Variants in APOD observed in about 807,000 individuals in gnomAD.
The protein encoded by APOD is apo-D.
A neutral mutation model predicts 20.4 loss-of-function variants in APOD; 22 were observed. That is an observed-to-expected ratio of 1.08 (90% confidence interval 0.77 to 1.54). APOD has a LOEUF of 1.54. Ranked by LOEUF, APOD falls within the 40% of genes most tolerant of loss-of-function variation. The pLI, the probability that APOD is intolerant of heterozygous loss-of-function variation, is 0.00. For synonymous variants in APOD, 97 were observed against 92.4 expected, an observed-to-expected ratio of 1.05 and a Z score of -0.29; for missense variants, 223 against 229.6, an observed-to-expected ratio of 0.97 and a Z score of 0.19.
chr3:195,576,732 C>T (rs890933638), intron 2 of APOD, among the ~76,000 whole-genome samples: 2 of 151,876 alleles, frequency 1.3e-5, no homozygotes, highest in African/African-American at 4.8e-5. Context: ...ATCTCTTGAA[C>T]CTGGGAGGCA....
Position 195,577,248 on chromosome 3 carries a change from T to A in APOD, c.123+2091A>T, listed in dbSNP as rs1406696528. ...TCCATTTACAATAACATCAAAAGAA[T>A]AAAATATTTGGGAATAAATTTAACC... On this transcript the variant is annotated intron_variant, in intron 2 of 4. Coordinates refer to ENST00000343267, the MANE Select transcript of APOD (RefSeq NM_001647.4). The A allele has an allele frequency of 1.7e-5, 5 of 291,740 alleles. No individual in the cohort carries two copies. The Admixed American group carries it at 2.5e-4, about 15-fold the overall frequency. 18.1% of individuals were successfully genotyped at this position (291,740 alleles called of 1,614,324 possible).
At chr3:195,571,064 G>A (rs1720149669) in intron 4 of APOD, 2 of 586,234 alleles carry the variant, frequency 3.4e-6, no homozygotes, top group Admixed American at 2.9e-5. Flanking sequence ...TATCCACACT[G>A]GGATGTGAGC....
At position 195,569,155 on chromosome 3, in the gene APOD, A is replaced by G. The variant is rs745806974; in HGVS notation, c.335-20T>C. On this transcript the variant is annotated intron_variant, in intron 4 of 4. Transcript: ENST00000343267. Reference sequence around the variant, plus strand: ...GCATAACTGAGAACCAGAGAGAGGCAGCATTATTGGAGGGAGAGGGCAAGA... The same window carrying G: ...GCATAACTGAGAACCAGAGAGAGGCGGCATTATTGGAGGGAGAGGGCAAGA... The G allele has an allele frequency of 3.7e-6, 6 of 1,604,184 alleles. No homozygotes were observed. In the South Asian group the frequency reaches 6.6e-5, roughly 18 times the overall value.
chr3:195,569,150 G>A lies in APOD; in HGVS notation c.335-15C>T, dbSNP rs1720112541. On this transcript the variant is annotated splice_polypyrimidine_tract_variant and intron_variant, in intron 4 of 4. Coordinates refer to ENST00000343267, the MANE Select transcript of APOD (RefSeq NM_001647.4). ...CGATGGCATAACTGAGAACCAGAGA[G>A]AGGCAGCATTATTGGAGGGAGAGGG... 6.2e-7 allele frequency: 1 copy of A among 1,607,924 alleles called. No homozygotes were observed. The highest frequency in any genetic ancestry group is 8.5e-7 in the Non-Finnish European group (1 of 1,174,392).
intron 2 of APOD, among the ~76,000 whole-genome samples, chr3:195,577,475 C>T (rs1046982015): frequency 2.6e-5 from 4 of 152,132 alleles, no homozygotes; most frequent in African/African-American, 7.2e-5. Flanking sequence ...GAAATTGACA[C>T]GCTGATCCTA....
At chr3:195,570,978 A>G (rs1383415447) in intron 4 of APOD, 1 of 416,246 alleles carries the variant, frequency 2.4e-6, no homozygotes, top group East Asian at 4.2e-5. Flanking sequence ...TGCAGCCCAC[A>G]CCCGGTGTGC....
chr3:195,568,837 G>GGGC lies in APOD; in HGVS notation c.*62_*63insGCC. The GGGC allele has an allele frequency of 1.0e-6, 1 of 975,810 alleles. No individual in the cohort carries two copies. Among genetic ancestry groups the GGGC allele is most frequent in the Non-Finnish European group, 1.6e-6 (1 of 644,252 alleles). The allele number at this position is 975,810 out of a possible 1,614,324, so 60.4% of individuals were successfully genotyped here. A position where few individuals can be genotyped will look rare whatever the true frequency, so the allele number is the denominator to read the frequency against. On this transcript the variant is annotated 3_prime_UTR_variant, in exon 5 of 5. Coordinates refer to ENST00000343267, the MANE Select transcript of APOD (RefSeq NM_001647.4). The stretch of plus-strand genomic sequence containing the variant: ...GTTGATTGGTTTGTCTTTATGGGGG[G>GGGC]GGGGTAGGGGAAAGCGAAGCAGAAG...
intron 2 of APOD, among the ~76,000 whole-genome samples, chr3:195,576,806 T>TCA (rs1018602405): frequency 6.6e-6 from 1 of 151,538 alleles, no homozygotes; most frequent in African/African-American, 2.4e-5. Context: ...CAAGACTCTG[T>TCA]CACACACACA....
At position 195,569,786 on chromosome 3, in the gene APOD, GTTTTTTTTTTTTTTTT is replaced by G. The variant is rs543541862; in HGVS notation, c.335-667_335-652del. On this transcript the variant is annotated intron_variant, in intron 4 of 4. Transcript: ENST00000343267. The stretch of plus-strand genomic sequence containing the variant: ...CTTTATTCAGGCCTTCTTCTTCTTC[GTTTTTTTTTTTTTTTT>G]TTTTTTTTTTTTTTGAGATGGAGTT... Among the ~76,000 whole-genome samples, 35 of 54,044 alleles carry G rather than the reference GTTTTTTTTTTTTTTTT, an allele frequency of 6.5e-4. 1 individual carries two copies. The South Asian group carries it at 0.021, about 33-fold the overall frequency. 35.5% of individuals were successfully genotyped at this position (54,044 alleles called of 152,430 possible).
In APOD at chr3:195,568,750, G is replaced by T. The variant is rs1720100806; in HGVS notation, c.*150C>A. On this transcript the variant is annotated 3_prime_UTR_variant, in exon 5 of 5. Coordinates refer to ENST00000343267, the MANE Select transcript of APOD (RefSeq NM_001647.4). ...AGCAGGTCAGCAACAAGTTTATTTT[G>T]CAGCTAGCAAGGTAACAGGGTAGGG... 18 of 631,938 alleles carry T rather than the reference G, an allele frequency of 2.8e-5. No individual in the cohort carries two copies. In the South Asian group the frequency reaches 3.4e-4, roughly 12 times the overall value. The allele number at this position is 631,938 out of a possible 1,614,324, so 39.1% of individuals were successfully genotyped here.
chr3:195,572,190 C>A (rs1229196002), intron 3 of APOD, among the ~76,000 whole-genome samples: 1 of 152,216 alleles, frequency 6.6e-6, no homozygotes. Flanking sequence ...CTTCTTTGGG[C>A]CTCAGTGATA....
chr3:195,576,201 A>T (rs1264948495), intron 2 of APOD, among the ~76,000 whole-genome samples: 1 of 152,230 alleles, frequency 6.6e-6, no homozygotes, highest in East Asian at 1.9e-4. Flanking sequence ...TCTATGGTGC[A>T]TTCAAATCTG....
chr3:195,572,780 G>GT (rs1560045010), intron 3 of APOD, among the ~76,000 whole-genome samples: 5 of 135,546 alleles, frequency 3.7e-5, no homozygotes, highest in African/African-American at 1.4e-4. Flanking sequence ...GGGAGGCCAA[G>GT]GGGGGGCGGA....
Position 195,569,117 on chromosome 3 carries a change from T to C in APOD, c.353A>G (p.Tyr118Cys), listed in dbSNP as rs373309314. The C allele has an allele frequency of 4.3e-6, 7 of 1,613,902 alleles. No homozygotes were observed. The African/African-American group carries it at 9.4e-5, about 22-fold the overall frequency. The change falls in exon 5 of 5, where the codon TAC (tyrosine) becomes TGC (cysteine). Residue 118 changes from tyrosine (Y) to cysteine (C), a missense_variant. Physicochemically the swap from Tyr to Cys is radical, Grantham distance 194. Transcript: ENST00000343267. ...KFSWFMPSAP[Y>C]WILATDYENY... Reference sequence around the variant, plus strand: ...CTCATAGTCGGTGGCCAGGATCCAGTACGGTGCCGATGGCATAACTGAGAA... The same window carrying C: ...CTCATAGTCGGTGGCCAGGATCCAGCACGGTGCCGATGGCATAACTGAGAA...
rs752071105 is a variant in APOD, at chr3:195,569,120, G to T, written c.350C>A (p.Pro117Gln). The change falls in exon 5 of 5, where the codon CCG (proline) becomes CAG (glutamine). Residue 117 changes from proline to glutamine, a missense_variant. Coordinates refer to ENST00000343267, the MANE Select transcript of APOD (RefSeq NM_001647.4). ...ATAGTCGGTGGCCAGGATCCAGTAC[G>T]GTGCCGATGGCATAACTGAGAACCA... ...VKFSWFMPSA[P>Q]YWILATDYEN... 6.2e-7 allele frequency: 1 copy of T among 1,613,936 alleles called. No homozygotes were observed. The highest frequency in any genetic ancestry group is 8.5e-7 in the Non-Finnish European group (1 of 1,179,928).
At chr3:195,577,714 A>G (rs1720269536) in intron 2 of APOD, among the ~76,000 whole-genome samples, 1 of 152,244 alleles carries the variant, frequency 6.6e-6, no homozygotes, top group African/African-American at 2.4e-5. Flanking sequence ...GATTTCCTAC[A>G]AGAATATTAT....
chr3:195,571,247 T>G, intron 4 of APOD, 30 bp downstream of exon 4: 1 of 1,599,572 alleles, frequency 6.3e-7, no homozygotes. Context: ...TTCCTGTCCC[T>G]GAATCCTCCT....
At chr3:195,579,628 C>G (rs2108970944) in intron 1 of APOD, 133 bp from the exon 2 acceptor site, 1 of 924,954 alleles carries the variant, frequency 1.1e-6, no homozygotes, top group East Asian at 2.7e-5. Flanking sequence ...CCATGTGAAC[C>G]CTCATCCTGC....
At position 195,568,832 on chromosome 3, in the gene APOD, G is replaced by GT. The variant is rs1560456890; in HGVS notation, c.*67_*68insA. The stretch of plus-strand genomic sequence containing the variant: ...TCGTGGTTGATTGGTTTGTCTTTAT[G>GT]GGGGGGGGGTAGGGGAAAGCGAAGC... On this transcript the variant is annotated 3_prime_UTR_variant, in exon 5 of 5. Coordinates refer to ENST00000343267, the MANE Select transcript of APOD (RefSeq NM_001647.4). 4.5e-6 allele frequency: 4 copies of GT among 879,772 alleles called. No homozygotes were observed. The South Asian group carries it at 4.7e-5, about 10-fold the overall frequency. The allele number at this position is 879,772 out of a possible 1,614,324, so 54.5% of individuals were successfully genotyped here. A position where few individuals can be genotyped will look rare whatever the true frequency, so the allele number is the denominator to read the frequency against.
Sources: gnomAD v4.1 joint callset for allele counts (sites outside exome capture counted in the v4.1 genomes callset) on GRCh38, gnomAD v4.1.1 for gene constraint, MANE v1.5 for transcripts, NCBI Gene and HGNC (gene_info 2026-07-23, HGNC 2026-07-21) for gene names.